Variants in ZNF484 observed in about 807,000 individuals in gnomAD.
The protein encoded by ZNF484 is KRAB box containing C2H2 type zinc finger bA526D8.4.
A neutral mutation model predicts 12.9 loss-of-function variants in ZNF484; 11 were observed. The observed-to-expected ratio is 0.85, with a 90% CI of 0.54 to 1.41. The LOEUF (loss-of-function observed/expected upper bound fraction) is 1.41, where lower values mean the gene tolerates loss of function less well. ZNF484 is among the 40% of genes most tolerant of loss of function. The pLI is 0.00. For synonymous variants in ZNF484, 289 were observed against 334.1 expected, an observed-to-expected ratio of 0.86 and a Z score of 1.47; for missense variants, 807 against 1,007.7, an observed-to-expected ratio of 0.80 and a Z score of 2.70.
chr9:92,855,107 T>C (rs758305791), intron 4 of ZNF484, among the ~76,000 whole-genome samples: 1 of 152,192 alleles, frequency 6.6e-6, no homozygotes, highest in Non-Finnish European at 1.5e-5. Context: ...ACATTGATGA[T>C]GATATTGACT....
rs779484929 is a variant in ZNF484 at position 92,878,020 on chromosome 9, G to T, written c.-161C>A. 7.5e-6 allele frequency: 5 copies of T among 670,928 alleles called. No individual in the cohort carries two copies. The highest frequency in any genetic ancestry group is 1.2e-5 in the Non-Finnish European group (5 of 409,138). 41.6% of individuals were successfully genotyped at this position (670,928 alleles called of 1,614,324 possible). ...CAGGCCTAGAGGTACTTCTTACAGC[G>T]CTGCCTGGGTTTGCGCATGCTCAGC... On this transcript the variant is annotated 5_prime_UTR_variant, in exon 1 of 5. Coordinates refer to ENST00000375495, the MANE Select transcript of ZNF484 (RefSeq NM_031486.4).
chr9:92,863,671 A>G (rs1176191615), intron 2 of ZNF484, among the ~76,000 whole-genome samples: 1 of 152,232 alleles, frequency 6.6e-6, no homozygotes, highest in Non-Finnish European at 1.5e-5. Flanking sequence ...CTCTGAGATT[A>G]TAGTGTCATA....
Position 92,845,356 on chromosome 9 carries a change from T to A in ZNF484, c.*872A>T, listed in dbSNP as rs1336893967. On this transcript the variant is annotated 3_prime_UTR_variant, in exon 5 of 5. Transcript: ENST00000375495. This position sits in a 1 kb window ranked among gnomAD's most constrained non-coding sequence, Gnocchi z 4.0. Reference sequence around the variant, plus strand: ...TTAATTAAGATTAGTTTGTAGAGATTGTGAGGAGATAAAAGGAGAAGTCTT... The same window carrying A: ...TTAATTAAGATTAGTTTGTAGAGATAGTGAGGAGATAAAAGGAGAAGTCTT... The A allele has an allele frequency of 6.6e-6, 1 of 152,176 alleles. No individual in the cohort carries two copies. Among genetic ancestry groups the A allele is most frequent in the African/African-American group, 2.4e-5 (1 of 41,440 alleles). 9.4% of individuals were successfully genotyped at this position (152,176 alleles called of 1,614,324 possible).
chr9:92,866,158 G>A (rs1248474127), intron 2 of ZNF484, among the ~76,000 whole-genome samples: 1 of 152,076 alleles, frequency 6.6e-6, no homozygotes, highest in Non-Finnish European at 1.5e-5. Flanking sequence ...TGGGCTGATA[G>A]GAAAAGAAAG....
At chr9:92,870,658 G>A (rs10992502) in intron 2 of ZNF484, among the ~76,000 whole-genome samples, 2 of 152,194 alleles carry the variant, frequency 1.3e-5, no homozygotes, top group Non-Finnish European at 2.9e-5. Flanking sequence ...CATCACGACA[G>A]GTGTGGTGTG....
intron 4 of ZNF484, among the ~76,000 whole-genome samples, chr9:92,852,172 T>C (rs562648369): frequency 3.9e-5 from 6 of 152,376 alleles, no homozygotes; most frequent in South Asian, 2.1e-4. Flanking sequence ...TCAGTTATCA[T>C]GTAATTTAAT....
chr9:92,866,901 G>T (rs1014662239), intron 2 of ZNF484, among the ~76,000 whole-genome samples: 1 of 152,078 alleles, frequency 6.6e-6, no homozygotes, highest in Non-Finnish European at 1.5e-5. Context: ...ACAGAAATCC[G>T]AACACTGCAT....
At chr9:92,862,613 T>G (rs1856842749) in intron 2 of ZNF484, among the ~76,000 whole-genome samples, 1 of 129,846 alleles carries the variant, frequency 7.7e-6, no homozygotes, top group Non-Finnish European at 1.7e-5. Context: ...GAAGTCTGTA[T>G]GCAGTGAAGG....
intron 2 of ZNF484, among the ~76,000 whole-genome samples, chr9:92,863,260 C>T (rs1397942755): frequency 8.2e-6 from 1 of 121,980 alleles, no homozygotes; most frequent in Non-Finnish European, 1.6e-5. Context: ...TCACTGGGGC[C>T]TGTTGGGGAA....
intron 2 of ZNF484, among the ~76,000 whole-genome samples, chr9:92,859,866 G>A (rs1041446754): frequency 3.9e-5 from 6 of 152,246 alleles, no homozygotes; most frequent in African/African-American, 1.4e-4. Context: ...CAGTGTCAAT[G>A]AGAGTTCCAG....
rs1424240706 is a variant in ZNF484 at position 92,855,829 on chromosome 9, G to A, written c.217C>T (p.Pro73Ser). 1.2e-6 allele frequency: 2 copies of A among 1,614,058 alleles called. No homozygotes were observed. The highest frequency in any genetic ancestry group is 1.7e-6 in the Non-Finnish European group (2 of 1,179,976). Residue 73 changes from proline (P) to serine (S), a missense_variant, in exon 4 of 5, where the codon CCC becomes TCC. Pro to Ser is a moderately conservative substitution (Grantham distance 74). Coordinates refer to ENST00000375495, the MANE Select transcript of ZNF484 (RefSeq NM_031486.4). ...EEPCMLDGEI[P>S]SQSRPDGDIG... ...TTCTCACCTGGACGGCTCTGACTGG[G>A]GATCTCACCATCCAACATACATGGC...
intron 4 of ZNF484, among the ~76,000 whole-genome samples, chr9:92,855,511 G>GA (rs1202169118): frequency 6.6e-6 from 1 of 152,084 alleles, no homozygotes; most frequent in Non-Finnish European, 1.5e-5. Flanking sequence ...GGGAAAGAGA[G>GA]AAAAAAGCAA....
At chr9:92,854,558 A>G (rs978166917) in intron 4 of ZNF484, among the ~76,000 whole-genome samples, 15 of 152,244 alleles carry the variant, frequency 9.9e-5, no homozygotes, top group South Asian at 2.1e-4. Context: ...TCTACTAAAC[A>G]TACAAAAAAT....
Position 92,872,438 on chromosome 9 carries a change from C to T in ZNF484, c.15+2577G>A, listed in dbSNP as rs1158079560. On this transcript the variant is annotated intron_variant, in intron 2 of 4. Transcript: ENST00000375495. Reference sequence around the variant, plus strand: ...CAGATTCTTTCAGGTTGCGGTGAGCCGAGATCGCGCCATTGCACTCCAGCC... The same window carrying T: ...CAGATTCTTTCAGGTTGCGGTGAGCTGAGATCGCGCCATTGCACTCCAGCC... Among the ~76,000 whole-genome samples, 2 of 79,934 alleles carry T rather than the reference C, an allele frequency of 2.5e-5. 1 individual carries two copies. The highest frequency in any genetic ancestry group is 1.4e-4 in the African/African-American group (2 of 14,204). 52.4% of individuals were successfully genotyped at this position (79,934 alleles called of 152,430 possible).
At position 92,845,147 on chromosome 9, in the gene ZNF484, A is replaced by G. The variant is rs1855510700; in HGVS notation, c.*1081T>C. ...AATAATGATAATGTGTCAATTAACC[A>G]GGAAGATTACAACAATTCTAAATTG... On this transcript the variant is annotated 3_prime_UTR_variant, in exon 5 of 5. Coordinates refer to ENST00000375495, the MANE Select transcript of ZNF484 (RefSeq NM_031486.4). This position sits in a 1 kb window ranked among gnomAD's most constrained non-coding sequence, Gnocchi z 4.0. 1 of 152,198 alleles carries G rather than the reference A, an allele frequency of 6.6e-6. No homozygotes were observed. The highest frequency in any genetic ancestry group is 2.1e-4 in the South Asian group (1 of 4,832). The allele number at this position is 152,198 out of a possible 1,614,324, so 9.4% of individuals were successfully genotyped here. A position where few individuals can be genotyped will look rare whatever the true frequency, so the allele number is the denominator to read the frequency against.
chr9:92,875,313 A>G (rs1857729220), intron 1 of ZNF484, among the ~76,000 whole-genome samples: 1 of 152,256 alleles, frequency 6.6e-6, no homozygotes, highest in Non-Finnish European at 1.5e-5. Context: ...AATACTTTAT[A>G]AAATATCCAA....
At chr9:92,857,748 G>A (rs1856548605) in intron 2 of ZNF484, among the ~76,000 whole-genome samples, 1 of 152,134 alleles carries the variant, frequency 6.6e-6, no homozygotes, top group South Asian at 2.1e-4. Flanking sequence ...TGAATCCTCT[G>A]TGGAGAAAGA....
rs538459420 is a variant in ZNF484, at chr9:92,845,984, T to C, written c.*244A>G. ...ATTTTTGCGGGTCAATATTGAATAG[T>C]TGTGGTACCCAGAACATGAAAAACT... On this transcript the variant is annotated 3_prime_UTR_variant, in exon 5 of 5. Coordinates refer to ENST00000375495, the MANE Select transcript of ZNF484 (RefSeq NM_031486.4). The surrounding 1 kb of genome is among the most constrained non-coding windows in gnomAD (Gnocchi z 4.0). 2.2e-5 allele frequency: 11 copies of C among 507,806 alleles called. No individual in the cohort carries two copies. The highest frequency in any genetic ancestry group is 1.2e-4 in the African/African-American group (6 of 52,120). 31.5% of individuals were successfully genotyped at this position (507,806 alleles called of 1,614,324 possible).
Position 92,847,173 on chromosome 9 carries a change from C to T in ZNF484, c.1614G>A (p.Arg538=). The T allele has an allele frequency of 6.2e-7, 1 of 1,613,828 alleles. No homozygotes were observed. The highest frequency in any genetic ancestry group is 1.1e-5 in the South Asian group (1 of 91,074). The change falls in exon 5 of 5, where the codon CGG becomes CGA. Residue 538 remains arginine (R), a synonymous_variant. Transcript: ENST00000375495. ...DCGKSFTWKS[R]LRIHQKCHTG... is the part of the protein sequence containing the mutation. ...TATGACACTTCTGATGTATCCTGAG[C>T]CGAGACTTCCAGGTGAATGATTTTC...
Sources: gnomAD v4.1 joint callset for allele counts (sites outside exome capture counted in the v4.1 genomes callset) on GRCh38, gnomAD v4.1.1 for gene constraint, Gnocchi (gnomAD v3.1) non-coding constraint, MANE v1.5 for transcripts, NCBI Gene and HGNC (gene_info 2026-07-23, HGNC 2026-07-21) for gene names.